CHD2: variants seen among roughly 807,000 people sequenced by gnomAD.
CHD2 encodes chromodomain helicase DNA binding protein 2.
CHD2 carries 28 observed loss-of-function variants against 243.9 expected under a neutral mutation model. The ratio of observed to expected loss-of-function variants is 0.11; its 90% CI spans 0.09 to 0.16. The LOEUF is 0.16. Ranked by LOEUF, CHD2 falls within the 10% of genes least tolerant of loss-of-function variation. The pLI, the probability that CHD2 is intolerant of heterozygous loss-of-function variation, is 1.00. For synonymous variants in CHD2, 775 were observed against 779.0 expected, an observed-to-expected ratio of 0.99 and a Z score of 0.09; for missense variants, 1,386 against 2,209.8, an observed-to-expected ratio of 0.63 and a Z score of 7.47.
rs1057163070 is a variant in CHD2 at position 92,937,742 on chromosome 15, G to A, written c.551+117G>A. On this transcript the variant is annotated intron_variant, in intron 6 of 38. Coordinates refer to ENST00000394196, the MANE Select transcript of CHD2 (RefSeq NM_001271.4). ...GAGATGCATTGTGTTTTGATTCTGC[G>A]TTTTAGATATCTGTGGTTCACTTTC... 6 of 704,536 alleles carry A rather than the reference G, an allele frequency of 8.5e-6. No homozygotes were observed. The South Asian group carries it at 9.1e-5, about 11-fold the overall frequency. 43.6% of individuals were successfully genotyped at this position (704,536 alleles called of 1,614,324 possible). A position where few individuals can be genotyped will look rare whatever the true frequency, so the allele number is the denominator to read the frequency against.
intron 20 of CHD2, among the ~76,000 whole-genome samples, chr15:92,977,368 A>G (rs1048079359): frequency 1.3e-5 from 2 of 152,158 alleles, no homozygotes; most frequent in Admixed American, 6.5e-5. Flanking sequence ...TTGCATCTCT[A>G]TGTGTATGCT....
At chr15:92,960,707 T>TTTG (rs2053674612) in intron 16 of CHD2, among the ~76,000 whole-genome samples, 1 of 131,824 alleles carries the variant, frequency 7.6e-6, no homozygotes, top group South Asian at 2.5e-4. Context: ...TGTTTGGTGT[T>TTTG]TTTTTTTTTT....
rs769748892 is a variant in CHD2 at position 93,024,696 on chromosome 15, G to A, written c.5478G>A (p.Arg1826=). ...KNNPDYNWNV[R]KT ...ACCCAGATTATAACTGGAATGTTCG[G>A]AAAACATAAAGGACAGCTCGTAAAG... The change falls in exon 39 of 39, where the codon CGG becomes CGA. Residue 1826 remains arginine (R), a synonymous_variant. Coordinates refer to ENST00000394196, the MANE Select transcript of CHD2 (RefSeq NM_001271.4). 3.7e-6 allele frequency: 6 copies of A among 1,609,438 alleles called. No individual in the cohort carries two copies. In the Admixed American group the frequency reaches 6.7e-5, roughly 18 times the overall value.
intron 6 of CHD2, among the ~76,000 whole-genome samples, chr15:92,939,027 G>A (rs941174907): frequency 1.3e-5 from 2 of 148,346 alleles, no homozygotes; most frequent in African/African-American, 2.5e-5. Flanking sequence ...AAATCCTTTC[G>A]TATTAGTATA....
At chr15:93,015,919 G>A (rs1488443561) in intron 37 of CHD2, among the ~76,000 whole-genome samples, 1 of 152,204 alleles carries the variant, frequency 6.6e-6, no homozygotes, top group East Asian at 1.9e-4. Flanking sequence ...ATGTAAGTTA[G>A]TGCAGCCATT....
chr15:92,948,338 T>C (rs1183188212), intron 12 of CHD2, among the ~76,000 whole-genome samples: 2 of 152,102 alleles, frequency 1.3e-5, no homozygotes, highest in African/African-American at 4.8e-5. Context: ...AGAAAGATAG[T>C]TGTTTCTGAA....
chr15:92,952,283 C>T (rs2053563468), intron 13 of CHD2, among the ~76,000 whole-genome samples: 1 of 152,146 alleles, frequency 6.6e-6, no homozygotes, highest in Admixed American at 6.5e-5. Context: ...CTTTTTGGCA[C>T]TAGGGACTGG....
At chr15:92,970,135 A>G (rs983369426) in intron 17 of CHD2, among the ~76,000 whole-genome samples, 1 of 152,124 alleles carries the variant, frequency 6.6e-6, no homozygotes, top group African/African-American at 2.4e-5. Context: ...AAAGCCTGGT[A>G]TGTTCAAAGA....
rs182773009 is a variant in CHD2 at position 92,906,629 on chromosome 15, T to C, written c.62+5330T>C. On this transcript the variant is annotated intron_variant, in intron 2 of 38. Transcript: ENST00000394196. The stretch of plus-strand genomic sequence containing the variant: ...GTATAAAAATTGAGTGACTGCTCTG[T>C]GTCAGCCATTAAATTTTTTCTTGCT... Among the ~76,000 whole-genome samples the C allele has an allele frequency of 9.8e-3, 1,495 of 151,808 alleles. 17 individuals carry two copies. Among genetic ancestry groups the C allele is most frequent in the Middle Eastern group, 0.017 (5 of 294 alleles).
chr15:92,927,475 T>TA, intron 4 of CHD2, 145 bp downstream of exon 4: 1 of 568,282 alleles, frequency 1.8e-6, no homozygotes, highest in Non-Finnish European at 3.1e-6. Flanking sequence ...TATGACCAGA[T>TA]ACAGTAAGGC....
chr15:92,910,252 TG>T (rs2052706740), intron 2 of CHD2, among the ~76,000 whole-genome samples: 1 of 152,170 alleles, frequency 6.6e-6, no homozygotes, highest in Admixed American at 6.5e-5. Context: ...CCACCATGCC[TG>T]GCTATATGTA....
intron 20 of CHD2, among the ~76,000 whole-genome samples, chr15:92,975,607 G>A (rs2053897035): frequency 6.6e-6 from 1 of 151,196 alleles, no homozygotes. Context: ...AAGCAGTGGA[G>A]ACAACCTGAA....
chr15:92,900,368 A>C lies in CHD2; in HGVS notation c.-528A>C, dbSNP rs1165858951. On this transcript the variant is annotated 5_prime_UTR_variant, in exon 1 of 39. Transcript: ENST00000394196. ...TAGATGGCGGCTGTGCCTTAGAGAG[A>C]GCGCGCTCTGCTCCCTGCCTTTGCC... 1.3e-5 allele frequency: 5 copies of C among 390,446 alleles called. No homozygotes were observed. The highest frequency in any genetic ancestry group is 2.1e-5 in the African/African-American group (1 of 48,380). The allele number at this position is 390,446 out of a possible 1,614,324, so 24.2% of individuals were successfully genotyped here.
Position 92,961,876 on chromosome 15 carries a change from CTTTTT to C in CHD2, c.2000+5246_2000+5250del, listed in dbSNP as rs3064790. On this transcript the variant is annotated intron_variant, in intron 16 of 38. Coordinates refer to ENST00000394196, the MANE Select transcript of CHD2 (RefSeq NM_001271.4). ...GGTTTCTTCCTCTGTTTTTTCTTCT[CTTTTT>C]TTTTTTTTTTTTTTTTTTGAGACTG... is the stretch of plus-strand genomic sequence containing the variant. Among the ~76,000 whole-genome samples the C allele has an allele frequency of 3.8e-4, 30 of 78,640 alleles. No individual in the cohort carries two copies. The East Asian group carries it at 5.1e-3, about 13-fold the overall frequency. The allele number at this position is 78,640 out of a possible 152,430, so 51.6% of individuals were successfully genotyped here.
intron 26 of CHD2, among the ~76,000 whole-genome samples, chr15:92,990,768 A>T (rs1035991804): frequency 1.3e-5 from 2 of 152,190 alleles, no homozygotes; most frequent in South Asian, 4.1e-4. Context: ...GGCATATTAC[A>T]TGATGCCCTT....
chr15:92,962,953 T>C (rs181514351), intron 16 of CHD2, among the ~76,000 whole-genome samples: 1 of 152,340 alleles, frequency 6.6e-6, no homozygotes, highest in African/African-American at 2.4e-5. Context: ...TTATAGCTCC[T>C]CAGCTCTCTT....
intron 2 of CHD2, among the ~76,000 whole-genome samples, chr15:92,914,539 G>A (rs919782835): frequency 6.6e-6 from 1 of 152,176 alleles, no homozygotes; most frequent in African/African-American, 2.4e-5. Context: ...TGCCTGCCTG[G>A]CTTCAGCTGT....
At chr15:92,928,913 TA>T in intron 4 of CHD2, 116 bp from the exon 5 acceptor site, 2 of 896,178 alleles carry the variant, frequency 2.2e-6, no homozygotes, top group South Asian at 2.2e-5. Context: ...TCTTTGTGTC[TA>T]AAAGCTCATA....
At chr15:92,933,019 A>G (rs1225072546) in intron 5 of CHD2, among the ~76,000 whole-genome samples, 5 of 149,230 alleles carry the variant, frequency 3.4e-5, no homozygotes, top group Non-Finnish European at 7.4e-5. Flanking sequence ...CTGGGCTTAT[A>G]AGATGAGCCA....
Sources: gnomAD v4.1 joint callset for allele counts (sites outside exome capture counted in the v4.1 genomes callset) on GRCh38, gnomAD v4.1.1 for gene constraint, MANE v1.5 for transcripts, NCBI Gene and HGNC (gene_info 2026-07-23, HGNC 2026-07-21) for gene names.